The following MYRF variants were observed in gnomAD, a reference collection of about 807,000 sequenced individuals.
The protein encoded by MYRF is myelin gene regulatory factor.
MYRF carries 16 observed loss-of-function variants against 126.3 expected under a neutral mutation model. That is an observed-to-expected ratio of 0.13 (90% CI 0.09 to 0.19). The LOEUF (loss-of-function observed/expected upper bound fraction) is 0.19. Ranked by LOEUF, MYRF falls within the 10% of genes least tolerant of loss-of-function variation. The pLI is 1.00. For missense variants in MYRF, 1,104 were observed against 1,547.0 expected (o/e 0.71, Z 4.80); for synonymous variants, 608 against 635.3 (o/e 0.96, Z 0.65).
rs1031742897 is a variant in MYRF, at chr11:61,777,676, G to C, written c.1792-58G>C. 2.7e-6 allele frequency: 4 copies of C among 1,495,098 alleles called. No homozygotes were observed. The African/African-American group carries it at 4.2e-5, about 16-fold the overall frequency. 92.6% of individuals were successfully genotyped at this position (1,495,098 alleles called of 1,614,324 possible). On this transcript the variant is annotated intron_variant, in intron 12 of 26. Transcript: ENST00000278836. This position sits in a 1 kb window ranked among gnomAD's most constrained non-coding sequence, Gnocchi z 8.8. ...CCAGGCTGCCGCCCTCCTGGGCTCC[G>C]GGGCCTGCTCCGGGACGGCCGCAGG...
chr11:61,777,823 C>T lies in MYRF; in HGVS notation c.1881C>T (p.Ile627=). The change falls in exon 13 of 27, where the codon ATC becomes ATT. Residue 627 remains isoleucine, a synonymous_variant. Coordinates refer to ENST00000278836, the MANE Select transcript of MYRF (RefSeq NM_001127392.3). This position sits in a 1 kb window ranked among gnomAD's most constrained non-coding sequence, Gnocchi z 8.8. Reference sequence around the variant, plus strand: ...CCGAGTTCGCCGCCAGCGCGGGCATCGAGGCCACCGCGCCAGAGACAGGTA... The same window carrying T: ...CCGAGTTCGCCGCCAGCGCGGGCATTGAGGCCACCGCGCCAGAGACAGGTA... ...YKPEFAASAG[I]EATAPETGVI... 2 of 1,552,222 alleles carry T rather than the reference C, an allele frequency of 1.3e-6. No individual in the cohort carries two copies. Among genetic ancestry groups the T allele is most frequent in the Non-Finnish European group, 1.7e-6 (2 of 1,147,490 alleles).
chr11:61,752,676 G>T lies in MYRF; in HGVS notation c.-69G>T, dbSNP rs1163284318. The T allele has an allele frequency of 2.8e-5, 34 of 1,193,278 alleles. 1 individual carries two copies. In the Middle Eastern group the frequency reaches 9.5e-4, roughly 33 times the overall value. 73.9% of individuals were successfully genotyped at this position (1,193,278 alleles called of 1,614,324 possible). Reference sequence around the variant, plus strand: ...CCGGGACTGTCGCGCGGGCCGCGCCGGCGATGCCGCGCCCCCGGGCCGGGC... The same window carrying T: ...CCGGGACTGTCGCGCGGGCCGCGCCTGCGATGCCGCGCCCCCGGGCCGGGC... On this transcript the variant is annotated 5_prime_UTR_variant, in exon 1 of 27. Transcript: ENST00000278836.
At chr11:61,761,264 G>GGT (rs1028032309) in intron 1 of MYRF, among the ~76,000 whole-genome samples, 20 of 151,584 alleles carry the variant, frequency 1.3e-4, no homozygotes, top group Non-Finnish European at 1.8e-4. Context: ...GCTGGTGGGG[G>GGT]GGGGGGCACA....
Position 61,781,648 on chromosome 11 carries a change from G to A in MYRF, c.2840G>A (p.Gly947Asp). 1 of 1,613,830 alleles carries A rather than the reference G, an allele frequency of 6.2e-7. No homozygotes were observed. The highest frequency in any genetic ancestry group is 2.2e-5 in the East Asian group (1 of 44,874). ...TGGGGTCTTTCAGTCAATGGCATTG[G>A]CCACTCCAAGCATCACAAGAGTCTG... is the stretch of plus-strand genomic sequence containing the variant. ...KSWGLSVNGI[G>D]HSKHHKSLEP... Residue 947 changes from glycine (G) to aspartate (D), a missense_variant, in exon 22 of 27, where the codon GGC (glycine) becomes GAC (aspartate). This residue lies in a region of MYRF where 323 missense variants were observed against 383.1 expected (regional missense o/e 0.84). Transcript: ENST00000278836.
At chr11:61,781,484 G>T in intron 21 of MYRF, 89 bp from the exon 22 acceptor site, 1 of 1,551,358 alleles carries the variant, frequency 6.4e-7, no homozygotes, top group Non-Finnish European at 8.7e-7. Context: ...GACACATGGG[G>T]TTCACTCAGT....
chr11:61,754,403 T>G (rs1252196244), intron 1 of MYRF: 1 of 152,446 alleles, frequency 6.6e-6, no homozygotes, highest in Non-Finnish European at 1.5e-5. Context: ...CCAGACACTG[T>G]TGATCCATAG....
intron 14 of MYRF, 69 bp from the exon 15 acceptor site, chr11:61,779,194 C>G (rs1437528074): frequency 6.8e-7 from 1 of 1,475,352 alleles, no homozygotes; most frequent in Non-Finnish European, 9.0e-7. Context: ...TGTCTGGCAG[C>G]CTGGGGCTCC....
rs1457893451 is a variant in MYRF, at chr11:61,786,037, C to T, written c.3376-26C>T. The stretch of plus-strand genomic sequence containing the variant: ...CTGCCCCGCACCCCCAGAGCCACCT[C>T]ACCTTCCCACTGCCCTTCCACCCAG... On this transcript the variant is annotated intron_variant, in intron 26 of 26. Transcript: ENST00000278836. This position sits in a 1 kb window ranked among gnomAD's most constrained non-coding sequence, Gnocchi z 4.5. 1.2e-6 allele frequency: 2 copies of T among 1,612,894 alleles called. No homozygotes were observed. Among genetic ancestry groups the T allele is most frequent in the Admixed American group, 3.3e-5 (2 of 59,996 alleles).
Position 61,777,542 on chromosome 11 carries a change from C to G in MYRF, c.1791+78C>G. On this transcript the variant is annotated intron_variant, in intron 12 of 26. Coordinates refer to ENST00000278836, the MANE Select transcript of MYRF (RefSeq NM_001127392.3). The surrounding 1 kb of genome is among the most constrained non-coding windows in gnomAD (Gnocchi z 8.8). ...GGGGGCGGGGCTCCTGGGGAGGGGG[C>G]GTGACTACGCGGAAAGGCGGAGCTG... 1 of 1,478,456 alleles carries G rather than the reference C, an allele frequency of 6.8e-7. No homozygotes were observed. The highest frequency in any genetic ancestry group is 9.1e-7 in the Non-Finnish European group (1 of 1,093,094). 91.6% of individuals were successfully genotyped at this position (1,478,456 alleles called of 1,614,324 possible). A position where few individuals can be genotyped will look rare whatever the true frequency, so the allele number is the denominator to read the frequency against.
At position 61,776,804 on chromosome 11, in the gene MYRF, TG is replaced by T; in HGVS notation, c.1519del (p.Ala507ProfsTer98). 1 of 1,604,408 alleles carries T rather than the reference TG, an allele frequency of 6.2e-7. No individual in the cohort carries two copies. Among genetic ancestry groups the T allele is most frequent in the Non-Finnish European group, 8.5e-7 (1 of 1,175,860 alleles). The stretch of plus-strand genomic sequence containing the variant: ...TGTCCCAGGTACTTCATGCTGGTGG[TG>T]GCCCTCCAGGCTCATGCACAGAACC... ...NPDQRYFMLVVALQAHAQNQN... is the reference protein window; with the variant it reads ...NPDQRYFMLVXALQAHAQNQN... On this transcript the variant is annotated frameshift_variant, in exon 11 of 27. Coordinates refer to ENST00000278836, the MANE Select transcript of MYRF (RefSeq NM_001127392.3). LOFTEE classifies it high-confidence loss of function. The surrounding 1 kb of genome is among the most constrained non-coding windows in gnomAD (Gnocchi z 4.3).
chr11:61,761,122 G>A (rs766533444), intron 1 of MYRF, among the ~76,000 whole-genome samples: 1 of 152,176 alleles, frequency 6.6e-6, no homozygotes, highest in Non-Finnish European at 1.5e-5. Flanking sequence ...GCCATGTTTG[G>A]GGCATGAATT....
chr11:61,766,377 C>A, intron 3 of MYRF, 156 bp downstream of exon 3: 1 of 778,676 alleles, frequency 1.3e-6, no homozygotes, highest in Non-Finnish European at 2.0e-6. Flanking sequence ...GAGGATGAGT[C>A]CAGGTCAAGG....
Position 61,776,719 on chromosome 11 carries a change from C to A in MYRF, c.1500-68C>A. ...GGGGGTGAGATGAACATGCATCTGG[C>A]CAGGGAAAGGGTGGCCCTGGGGGCG... On this transcript the variant is annotated intron_variant, in intron 10 of 26. Coordinates refer to ENST00000278836, the MANE Select transcript of MYRF (RefSeq NM_001127392.3). The surrounding 1 kb of genome is among the most constrained non-coding windows in gnomAD (Gnocchi z 4.3). The A allele has an allele frequency of 1.6e-6, 2 of 1,268,748 alleles. No homozygotes were observed. Among genetic ancestry groups the A allele is most frequent in the Non-Finnish European group, 2.2e-6 (2 of 910,312 alleles). 78.6% of individuals were successfully genotyped at this position (1,268,748 alleles called of 1,614,324 possible).
At chr11:61,763,684 T>C (rs2135731512) in intron 1 of MYRF, among the ~76,000 whole-genome samples, 1 of 152,120 alleles carries the variant, frequency 6.6e-6, no homozygotes, top group Admixed American at 6.5e-5. Context: ...GCCAACATGG[T>C]GAAACTCTGT....
chr11:61,777,687 C>T lies in MYRF; in HGVS notation c.1792-47C>T, dbSNP rs957432862. The stretch of plus-strand genomic sequence containing the variant: ...CCCTCCTGGGCTCCGGGGCCTGCTC[C>T]GGGACGGCCGCAGGAGGGGTTCATT... On this transcript the variant is annotated intron_variant, in intron 12 of 26. Transcript: ENST00000278836. The surrounding 1 kb of genome is among the most constrained non-coding windows in gnomAD (Gnocchi z 8.8). 5 of 1,525,216 alleles carry T rather than the reference C, an allele frequency of 3.3e-6. No homozygotes were observed. The African/African-American group carries it at 5.5e-5, about 17-fold the overall frequency. The allele number at this position is 1,525,216 out of a possible 1,614,324, so 94.5% of individuals were successfully genotyped here.
chr11:61,768,127 A>G (rs1026528769), intron 3 of MYRF, among the ~76,000 whole-genome samples: 10 of 151,994 alleles, frequency 6.6e-5, no homozygotes, highest in African/African-American at 2.4e-4. Flanking sequence ...CAAAAAAAAA[A>G]AAAAAAGAAA....
Position 61,771,642 on chromosome 11 carries a change from C to G in MYRF, c.883C>G (p.Pro295Ala), listed in dbSNP as rs146705921. The G allele has an allele frequency of 1.2e-6, 2 of 1,613,878 alleles. No individual in the cohort carries two copies. Among genetic ancestry groups the G allele is most frequent in the African/African-American group, 2.7e-5 (2 of 74,936 alleles). The change falls in exon 6 of 27, where the codon CCA (proline) becomes GCA (alanine). Residue 295 changes from proline (P) to alanine (A), a missense_variant. Physicochemically the swap from Pro to Ala is conservative, Grantham distance 27. Transcript: ENST00000278836. The part of the protein sequence containing the change: ...LPLHPTRAPS[P>A]PWPPQGPLSP... ...TCTGCACCCCACTCGAGCCCCATCG[C>G]CACCCTGGCCTCCCCAGGGTCCGCT...
In MYRF at chr11:61,778,449, C is replaced by T; in HGVS notation, c.1973C>T (p.Ala658Val). 6.2e-7 allele frequency: 1 copy of T among 1,614,030 alleles called. No homozygotes were observed. Among genetic ancestry groups the T allele is most frequent in the Non-Finnish European group, 8.5e-7 (1 of 1,179,940 alleles). Reference sequence around the variant, plus strand: ...AAAGACACCGGAGACATGGTCTTTGCCAATGGGAAAACCATAGAGAACTTC... The same window carrying T: ...AAAGACACCGGAGACATGGTCTTTGTCAATGGGAAAACCATAGAGAACTTC... ...AVKDTGDMVF[A>V]NGKTIENFLV... Residue 658 changes from alanine (A) to valine (V), a missense_variant, in exon 14 of 27, where the codon GCC (alanine) becomes GTC (valine). By Grantham distance (64) the Ala-to-Val change is moderately conservative (BLOSUM62 0). Around this residue, in one of 10 missense-constraint regions of MYRF, gnomAD observed 123 missense variants for 209.1 expected, o/e 0.59. Transcript: ENST00000278836. This position sits in a 1 kb window ranked among gnomAD's most constrained non-coding sequence, Gnocchi z 4.6.
In MYRF at chr11:61,779,388, C is replaced by T. The variant is rs1453514217; in HGVS notation, c.2139C>T (p.Asp713=). ...AGCTGGCCAAGCTGCGGCGGCTCGA[C>T]AGCCTCAAGTCCACCGGCAGCTCGG... ...SHKLAKLRRL[D]SLKSTGSSGA... The change falls in exon 15 of 27, where the codon GAC becomes GAT. Residue 713 remains aspartate, a synonymous_variant. Coordinates refer to ENST00000278836, the MANE Select transcript of MYRF (RefSeq NM_001127392.3). 1.3e-6 allele frequency: 2 copies of T among 1,551,234 alleles called. No homozygotes were observed. Among genetic ancestry groups the T allele is most frequent in the Admixed American group, 3.9e-5 (2 of 50,998 alleles).
Sources: allele counts gnomAD v4.1 joint callset (sites outside exome capture counted in the v4.1 genomes callset), GRCh38; gene constraint gnomAD v4.1.1; regional missense constraint gnomAD v4.1.1; non-coding constraint Gnocchi (gnomAD v3.1); transcripts MANE v1.5; gene names NCBI Gene and HGNC (gene_info 2026-07-23, HGNC 2026-07-21).